Variants in ANKRD28 observed in about 807,000 individuals in gnomAD.
The protein encoded by ANKRD28 is ankyrin repeat domain 28.
A neutral mutation model predicts 126.5 loss-of-function variants in ANKRD28; 44 were observed. The ratio of observed to expected loss-of-function variants is 0.35; its 90% CI spans 0.27 to 0.45. ANKRD28 has a LOEUF of 0.45. Among genes scored for constraint, ANKRD28 ranks in the 20% least tolerant of loss-of-function variants. The probability of loss-of-function intolerance (pLI) is 1.00; values close to 1 mark genes in which losing one functional copy is unlikely to be tolerated. For missense variants in ANKRD28, 1,110 were observed against 1,316.6 expected, an observed-to-expected ratio of 0.84 and a Z score of 2.43; for synonymous variants, 442 against 468.5, an observed-to-expected ratio of 0.94 and a Z score of 0.73.
At chr3:15,754,490 A>AT (rs1319199331) in intron 3 of ANKRD28, among the ~76,000 whole-genome samples, 1 of 152,124 alleles carries the variant, frequency 6.6e-6, no homozygotes, top group African/African-American at 2.4e-5. Context: ...TAAGTTCTCA[A>AT]TAAAAAAAAA....
At chr3:15,715,720 T>TTCAGTGCCTTCA (rs2072927583) in intron 8 of ANKRD28, among the ~76,000 whole-genome samples, 1 of 152,186 alleles carries the variant, frequency 6.6e-6, no homozygotes, top group Non-Finnish European at 1.5e-5. Context: ...GTTCCTCAAC[T>TTCAGTGCCTTCA]GAAAATGAGG....
At chr3:15,779,606 C>T (rs1575649969) in intron 2 of ANKRD28, among the ~76,000 whole-genome samples, 1 of 152,280 alleles carries the variant, frequency 6.6e-6, no homozygotes, top group South Asian at 2.1e-4. Flanking sequence ...CAAATAATTC[C>T]AAGGGCCTTA....
chr3:15,777,863 C>CACACACACAA (rs2059360829), intron 2 of ANKRD28, among the ~76,000 whole-genome samples: 1 of 125,180 alleles, frequency 8.0e-6, no homozygotes, highest in South Asian at 2.9e-4. Context: ...CACACACACA[C>CACACACACAA]ACACACACAC....
intron 4 of ANKRD28, among the ~76,000 whole-genome samples, chr3:15,749,981 T>G (rs925467393): frequency 6.6e-6 from 1 of 152,152 alleles, no homozygotes; most frequent in Non-Finnish European, 1.5e-5. Context: ...GACTGAAGAG[T>G]AGAATTAAGA....
At chr3:15,859,236 C>G in intron 1 of ANKRD28, 1 of 1,287,908 alleles carries the variant, frequency 7.8e-7, no homozygotes, top group South Asian at 1.6e-5. Flanking sequence ...CCCGCCGTCT[C>G]GCGCAGGTCC....
chr3:15,792,115 G>A (rs1393188778), intron 2 of ANKRD28, among the ~76,000 whole-genome samples: 1 of 152,114 alleles, frequency 6.6e-6, no homozygotes, highest in Non-Finnish European at 1.5e-5. Flanking sequence ...GGGAACCCTT[G>A]TTCACCATTG....
intron 17 of ANKRD28, among the ~76,000 whole-genome samples, chr3:15,693,567 A>G (rs570071074): frequency 7.2e-4 from 110 of 152,324 alleles, no homozygotes; most frequent in African/African-American, 2.6e-3. Context: ...GCACCTAGAA[A>G]GTGCTCAAGA....
At chr3:15,747,024 C>G (rs1445005014) in intron 4 of ANKRD28, among the ~76,000 whole-genome samples, 1 of 152,072 alleles carries the variant, frequency 6.6e-6, no homozygotes, top group Non-Finnish European at 1.5e-5. Flanking sequence ...TTTTGTATTT[C>G]TGTAGTATCA....
At chr3:15,824,112 C>CA (rs1301674803) in intron 1 of ANKRD28, among the ~76,000 whole-genome samples, 5 of 152,064 alleles carry the variant, frequency 3.3e-5, no homozygotes, top group Non-Finnish European at 7.4e-5. Flanking sequence ...TAAAACAAAC[C>CA]AAAAAATCAT....
At chr3:15,793,736 T>A (rs960458164) in intron 2 of ANKRD28, among the ~76,000 whole-genome samples, 2 of 152,200 alleles carry the variant, frequency 1.3e-5, no homozygotes, top group African/African-American at 4.8e-5. Context: ...CTCTTCAGTA[T>A]ACCCTGGGTA....
At chr3:15,778,682 G>A (rs915400869) in intron 2 of ANKRD28, among the ~76,000 whole-genome samples, 1 of 151,958 alleles carries the variant, frequency 6.6e-6, no homozygotes, top group South Asian at 2.1e-4. Context: ...ATGTGATTAG[G>A]GCACACCCAT....
intron 1 of ANKRD28, among the ~76,000 whole-genome samples, chr3:15,807,771 G>C (rs577196357): frequency 4.6e-5 from 7 of 152,296 alleles, no homozygotes; most frequent in Non-Finnish European, 1.0e-4. Context: ...TAAAATATTT[G>C]AAGTACTGTC....
chr3:15,807,695 T>C (rs1242733622), intron 1 of ANKRD28, among the ~76,000 whole-genome samples: 1 of 152,086 alleles, frequency 6.6e-6, no homozygotes, highest in Non-Finnish European at 1.5e-5. Flanking sequence ...CTAGAAACCA[T>C]TTCATAAAGG....
intron 2 of ANKRD28, among the ~76,000 whole-genome samples, chr3:15,775,492 A>C (rs2059220757): frequency 6.6e-6 from 1 of 152,112 alleles, no homozygotes; most frequent in Non-Finnish European, 1.5e-5. Context: ...GTCCCAAAAG[A>C]CTGCCCCTTA....
At chr3:15,720,373 T>C (rs145896473) in intron 8 of ANKRD28, among the ~76,000 whole-genome samples, 1 of 152,352 alleles carries the variant, frequency 6.6e-6, no homozygotes, top group Admixed American at 6.5e-5. Context: ...TCTTTTATTG[T>C]AGATTCATCT....
chr3:15,671,641 T>C (rs2066371117), intron 27 of ANKRD28, among the ~76,000 whole-genome samples: 3 of 151,018 alleles, frequency 2.0e-5, no homozygotes, highest in Admixed American at 2.0e-4. Flanking sequence ...TGAAGTTCAG[T>C]GGTGCAAACT....
chr3:15,828,449 G>A (rs1280091769), intron 1 of ANKRD28, among the ~76,000 whole-genome samples: 1 of 152,054 alleles, frequency 6.6e-6, no homozygotes, highest in Non-Finnish European at 1.5e-5. Flanking sequence ...TACTTTAGTA[G>A]TCAGTACACT....
At chr3:15,847,334 G>A (rs1356892525) in intron 1 of ANKRD28, among the ~76,000 whole-genome samples, 1 of 152,150 alleles carries the variant, frequency 6.6e-6, no homozygotes, top group Admixed American at 6.5e-5. Context: ...AATCTCTTAT[G>A]GCTTTCTTCC....
At chr3:15,743,574 ACACACACACACACACACACG>A (rs2057265494) in intron 4 of ANKRD28, among the ~76,000 whole-genome samples, 1 of 151,580 alleles carries the variant, frequency 6.6e-6, no homozygotes, top group African/African-American at 2.4e-5. Flanking sequence ...ACACACACAC[ACACACACACACACACACACG>A]CACACCAAAA....
Sources: gnomAD v4.1 joint callset for allele counts (sites outside exome capture counted in the v4.1 genomes callset) on GRCh38, gnomAD v4.1.1 for gene constraint, MANE v1.5 for transcripts, NCBI Gene and HGNC (gene_info 2026-07-23, HGNC 2026-07-21) for gene names.